The following TMPRSS15 variants were observed in gnomAD, a reference collection of about 807,000 sequenced individuals.
TMPRSS15 encodes the protein enteropeptidase.
In TMPRSS15, 128 loss-of-function variants were observed where a neutral mutation model predicts 125.3. That is an observed-to-expected ratio of 1.02 (90% CI 0.89 to 1.18). TMPRSS15 has a LOEUF of 1.18. Ranked by LOEUF, TMPRSS15 falls within the 50% of genes most tolerant of loss-of-function variation. The pLI is 0.00. For synonymous variants in TMPRSS15, 446 were observed against 423.2 expected (o/e 1.05, Z -0.66); for missense variants, 1,283 against 1,212.7 (o/e 1.06, Z -0.86).
At chr21:18,450,297 G>T in intron 1 of TMPRSS15, among the ~76,000 whole-genome samples, 1 of 151,754 alleles carries the variant, frequency 6.6e-6, no homozygotes, top group Admixed American at 6.6e-5. Context: ...TTCATCTGGG[G>T]TTGCATAATG....
chr21:18,399,263 C>T (rs1330363537), intron 1 of TMPRSS15, among the ~76,000 whole-genome samples: 1 of 151,998 alleles, frequency 6.6e-6, no homozygotes, highest in African/African-American at 2.4e-5. Context: ...GGCAACAGAT[C>T]TGGAATTTGG....
chr21:18,406,091 A>C (rs901660307), upstream of TMPRSS15, among the ~76,000 whole-genome samples: 2 of 151,998 alleles, frequency 1.3e-5, no homozygotes, highest in Non-Finnish European at 2.9e-5. Flanking sequence ...AGTCCAGAAA[A>C]CCTCCATGAG....
chr21:18,313,214 C>A, intron 17 of TMPRSS15, 137 bp from the exon 18 acceptor site: 1 of 714,810 alleles, frequency 1.4e-6, no homozygotes, highest in Non-Finnish European at 2.5e-6. Flanking sequence ...AGCACTGTGA[C>A]TATAGTTAAT....
At position 18,270,050 on chromosome 21, in the gene TMPRSS15, G is replaced by C. The variant is rs2074535817; in HGVS notation, c.2979C>G (p.Tyr993Ter). The C allele has an allele frequency of 6.2e-7, 1 of 1,613,960 alleles. No homozygotes were observed. Among genetic ancestry groups the C allele is most frequent in the South Asian group, 1.1e-5 (1 of 91,082 alleles). ...CGGGGCGATTAGGCAGGGCACACTT[G>C]TATCCAAATGAGGTCACACCAGCAA... ...WFLAGVTSFG[Y>*]KCALPNRPGV... Residue 993 changes from tyrosine to a stop codon, truncating the protein, a stop_gained, in exon 25 of 25, where the codon TAC becomes TAG. Transcript: ENST00000284885. LOFTEE classifies it high-confidence loss of function.
At chr21:18,331,038 A>G (rs1414359102) in intron 14 of TMPRSS15, among the ~76,000 whole-genome samples, 1 of 140,344 alleles carries the variant, frequency 7.1e-6, no homozygotes, top group Non-Finnish European at 1.5e-5. Context: ...GCACCACTGC[A>G]CTCCAGCCTG....
chr21:18,357,097 G>C (rs1444441246), intron 8 of TMPRSS15, among the ~76,000 whole-genome samples: 1 of 151,762 alleles, frequency 6.6e-6, no homozygotes. Context: ...TTTCTTTGAA[G>C]ATGCATAAAA....
intron 1 of TMPRSS15, among the ~76,000 whole-genome samples, chr21:18,421,811 A>C (rs1195774263): frequency 6.6e-6 from 1 of 152,144 alleles, no homozygotes; most frequent in Non-Finnish European, 1.5e-5. Context: ...GGAGACTTTA[A>C]GTAAATTTTA....
chr21:18,338,462 AT>A (rs1379809062), intron 13 of TMPRSS15, among the ~76,000 whole-genome samples: 1 of 152,156 alleles, frequency 6.6e-6, no homozygotes, highest in Non-Finnish European at 1.5e-5. Flanking sequence ...ATGATGCTGA[AT>A]GTTGTTCTTG....
chr21:18,388,387 T>A (rs1367741737), intron 3 of TMPRSS15, among the ~76,000 whole-genome samples: 2 of 152,184 alleles, frequency 1.3e-5, no homozygotes, highest in African/African-American at 2.4e-5. Context: ...ACTTACTAAA[T>A]ATCAGAAAAA....
At chr21:18,343,849 A>C (rs1331504081) in intron 11 of TMPRSS15, 106 bp downstream of exon 11, 1 of 1,251,402 alleles carries the variant, frequency 8.0e-7, no homozygotes, top group African/African-American at 1.5e-5. Context: ...TAGTATATGC[A>C]TTAAAACTTT....
chr21:18,347,833 T>TA (rs1366447370), intron 10 of TMPRSS15, among the ~76,000 whole-genome samples: 1 of 152,144 alleles, frequency 6.6e-6, no homozygotes, highest in African/African-American at 2.4e-5. Flanking sequence ...TCAGTCAACT[T>TA]AAAACCCAGG....
chr21:18,376,861 C>T (rs558888173), intron 5 of TMPRSS15, among the ~76,000 whole-genome samples: 2 of 152,082 alleles, frequency 1.3e-5, no homozygotes, highest in African/African-American at 4.8e-5. Flanking sequence ...GACTTTGTAC[C>T]GTTATCACAA....
chr21:18,292,960 A>AAC (rs2146895926), intron 21 of TMPRSS15, among the ~76,000 whole-genome samples: 1 of 152,296 alleles, frequency 6.6e-6, no homozygotes, highest in Non-Finnish European at 1.5e-5. Flanking sequence ...TCCAGGATGT[A>AAC]ACACTCAATG....
At chr21:18,424,795 T>C (rs2076199144) in intron 1 of TMPRSS15, among the ~76,000 whole-genome samples, 2 of 150,508 alleles carry the variant, frequency 1.3e-5, no homozygotes, top group Non-Finnish European at 2.9e-5. Flanking sequence ...CAAGAACAAC[T>C]AGTAAGTTAT....
At chr21:18,341,312 C>T in intron 13 of TMPRSS15, 101 bp downstream of exon 13, 1 of 1,445,890 alleles carries the variant, frequency 6.9e-7, no homozygotes, top group Non-Finnish European at 9.7e-7. Flanking sequence ...TTCAAGCAAT[C>T]CTCCTGCTTC....
At chr21:18,321,155 T>C (rs1019391895) in intron 16 of TMPRSS15, among the ~76,000 whole-genome samples, 1 of 152,112 alleles carries the variant, frequency 6.6e-6, no homozygotes, top group Non-Finnish European at 1.5e-5. Flanking sequence ...GGGACATTTA[T>C]AGGAGACAGA....
chr21:18,276,587 T>C (rs2824714), intron 23 of TMPRSS15, among the ~76,000 whole-genome samples: 42,925 of 151,956 alleles, frequency 0.28, 8,553 homozygotes, highest in African/African-American at 0.57. Flanking sequence ...ATTTGTTTGG[T>C]AGATGATAAA....
At chr21:18,342,196 T>G (rs771871839) in intron 12 of TMPRSS15, among the ~76,000 whole-genome samples, 1 of 152,210 alleles carries the variant, frequency 6.6e-6, no homozygotes, top group Non-Finnish European at 1.5e-5. Flanking sequence ...GTATTTTAGC[T>G]GTACTTTCCT....
chr21:18,359,796 C>A lies in TMPRSS15; in HGVS notation c.841G>T (p.Asp281Tyr), dbSNP rs951160232. Residue 281 changes from aspartate to tyrosine, a missense_variant, in exon 8 of 25, where the codon GAT becomes TAT. Physicochemically the swap from Asp to Tyr is radical, Grantham distance 160 (BLOSUM62 -3). Coordinates refer to ENST00000284885, the MANE Select transcript of TMPRSS15 (RefSeq NM_002772.3). ...DFNTYYTDIL[D>Y]IYEGVGSSKI... ...CTTGATCCTACACCTTCATAAATATCTAATATATCTGTATAATATGTATTA... is the reference window on the plus strand; with the variant it reads ...CTTGATCCTACACCTTCATAAATATATAATATATCTGTATAATATGTATTA... The A allele has an allele frequency of 3.3e-6, 5 of 1,495,758 alleles. No individual in the cohort carries two copies. The highest frequency in any genetic ancestry group is 1.4e-5 in the African/African-American group (1 of 72,732). 92.7% of individuals were successfully genotyped at this position (1,495,758 alleles called of 1,614,324 possible).
Sources: allele counts gnomAD v4.1 joint callset (sites outside exome capture counted in the v4.1 genomes callset), GRCh38; gene constraint gnomAD v4.1.1; transcripts MANE v1.5; gene names NCBI Gene and HGNC (gene_info 2026-07-23, HGNC 2026-07-21).